The following TTC17 variants were observed in gnomAD, a reference collection of about 807,000 sequenced individuals.
TTC17 encodes tetratricopeptide repeat protein 17.
A neutral mutation model predicts 143.8 loss-of-function variants in TTC17; 58 were observed. That is an observed-to-expected ratio of 0.40 (90% CI 0.33 to 0.50). The LOEUF is 0.50. Ranked by LOEUF, TTC17 falls within the 20% of genes least tolerant of loss-of-function variation. TTC17 has a pLI of 0.49. For missense variants in TTC17, 1,273 were observed against 1,392.5 expected (o/e 0.91, Z 1.37); for synonymous variants, 501 against 497.8 (o/e 1.01, Z -0.09).
At chr11:43,403,269 G>T (rs535233059) in intron 10 of TTC17, among the ~76,000 whole-genome samples, 7 of 152,248 alleles carry the variant, frequency 4.6e-5, no homozygotes, top group African/African-American at 1.7e-4. Flanking sequence ...TCATAAAATT[G>T]TATCACCACT....
At chr11:43,458,260 G>A (rs1452238424) in intron 21 of TTC17, among the ~76,000 whole-genome samples, 1 of 152,090 alleles carries the variant, frequency 6.6e-6, no homozygotes, top group Non-Finnish European at 1.5e-5. Flanking sequence ...GGAAGAGTGG[G>A]AGCTGTCCAG....
At chr11:43,449,978 C>G in intron 19 of TTC17, 104 bp from the exon 20 acceptor site, 1 of 1,286,434 alleles carries the variant, frequency 7.8e-7, no homozygotes, top group Non-Finnish European at 1.1e-6. Flanking sequence ...CTATGATGAG[C>G]TGATTGTTAA....
At chr11:43,420,273 A>T (rs913211632) in intron 16 of TTC17, among the ~76,000 whole-genome samples, 1 of 152,190 alleles carries the variant, frequency 6.6e-6, no homozygotes, top group African/African-American at 2.4e-5. Context: ...CCTTCAGCCA[A>T]TCATAAATTA....
intron 5 of TTC17, among the ~76,000 whole-genome samples, chr11:43,392,738 T>TGA (rs1857436972): frequency 6.6e-6 from 1 of 152,216 alleles, no homozygotes; most frequent in Non-Finnish European, 1.5e-5. Context: ...CAGAACTTGA[T>TGA]GAGTAATAAG....
intron 21 of TTC17, among the ~76,000 whole-genome samples, chr11:43,457,634 T>A (rs1947788845): frequency 6.6e-6 from 1 of 152,080 alleles, no homozygotes; most frequent in South Asian, 2.1e-4. Context: ...AACTAAAAAC[T>A]ACTTTAAAAA....
intron 2 of TTC17, among the ~76,000 whole-genome samples, chr11:43,388,852 T>C (rs934086503): frequency 1.5e-4 from 22 of 151,666 alleles, no homozygotes; most frequent in African/African-American, 5.3e-4. Context: ...GGTGTGCACC[T>C]GTAGTCCCAG....
At chr11:43,391,398 C>T in intron 3 of TTC17, 67 bp from the exon 4 acceptor site, 1 of 1,098,752 alleles carries the variant, frequency 9.1e-7, no homozygotes, top group Non-Finnish European at 1.4e-6. Flanking sequence ...GACCCTTTCT[C>T]TAAATAAATA....
At chr11:43,477,201 G>A (rs569409194) in intron 21 of TTC17, among the ~76,000 whole-genome samples, 1 of 152,144 alleles carries the variant, frequency 6.6e-6, no homozygotes, top group South Asian at 2.1e-4. Context: ...GAATTTTATT[G>A]TCCATATTGC....
chr11:43,392,271 G>A (rs970370113), intron 5 of TTC17, among the ~76,000 whole-genome samples: 1 of 152,070 alleles, frequency 6.6e-6, no homozygotes, highest in South Asian at 2.1e-4. Context: ...TTTTAGTGTC[G>A]TTAATATATC....
At chr11:43,474,299 C>G (rs935643240) in intron 21 of TTC17, among the ~76,000 whole-genome samples, 44 of 152,052 alleles carry the variant, frequency 2.9e-4, no homozygotes, top group African/African-American at 1.0e-3. Context: ...TCTTAGGATA[C>G]TATTTATCTT....
At chr11:43,447,453 G>A (rs535071967) in intron 18 of TTC17, 1 of 152,504 alleles carries the variant, frequency 6.6e-6, no homozygotes, top group South Asian at 2.1e-4. Flanking sequence ...ACTGGGTGTG[G>A]ACATTTGGCA....
rs1256250453 is a variant in TTC17 at position 43,363,347 on chromosome 11, A to G, written c.159+4234A>G. Among the ~76,000 whole-genome samples the G allele has an allele frequency of 2.0e-5, 3 of 152,340 alleles. No individual in the cohort carries two copies. In the East Asian group the frequency reaches 5.8e-4, roughly 29 times the overall value. On this transcript the variant is annotated intron_variant, in intron 1 of 23. Transcript: ENST00000039989. Reference sequence around the variant, plus strand: ...AACTTGTGAATTTGCCTAAGAGCCTAACCACTCTATGGCACTTCATTTTGT... The same window carrying G: ...AACTTGTGAATTTGCCTAAGAGCCTGACCACTCTATGGCACTTCATTTTGT...
intron 1 of TTC17, among the ~76,000 whole-genome samples, chr11:43,364,923 A>G (rs1856271187): frequency 1.3e-5 from 2 of 152,124 alleles, no homozygotes; most frequent in Non-Finnish European, 2.9e-5. Context: ...TTCCTGCCTC[A>G]GCCTCCTGAG....
intron 1 of TTC17, chr11:43,378,990 G>T (rs538833719): frequency 2.3e-6 from 1 of 439,046 alleles, no homozygotes; most frequent in East Asian, 4.8e-5. Context: ...CACCTGTAAA[G>T]TCAGAATATG....
At chr11:43,446,455 C>A in intron 18 of TTC17, 1 of 269,182 alleles carries the variant, frequency 3.7e-6, no homozygotes, top group Non-Finnish European at 5.7e-6. Flanking sequence ...TTCTGTACCC[C>A]TAGTGTCTTT....
chr11:43,413,621 G>A (rs1565153680), intron 15 of TTC17, among the ~76,000 whole-genome samples: 3 of 151,496 alleles, frequency 2.0e-5, no homozygotes, highest in African/African-American at 4.9e-5. Flanking sequence ...CTCCTTCAAG[G>A]CCTTAAGGGC....
intron 1 of TTC17, among the ~76,000 whole-genome samples, chr11:43,373,636 T>G (rs1321258752): frequency 6.6e-6 from 1 of 152,196 alleles, no homozygotes; most frequent in African/African-American, 2.4e-5. Context: ...AAAGAAGCTT[T>G]TAACAACAGC....
intron 16 of TTC17, among the ~76,000 whole-genome samples, chr11:43,426,039 C>T (rs1947019937): frequency 6.6e-6 from 1 of 152,184 alleles, no homozygotes; most frequent in African/African-American, 2.4e-5. Context: ...TGCCTAAGTA[C>T]ATTTCAGGAA....
At chr11:43,459,397 A>T (rs1947822732) in intron 21 of TTC17, among the ~76,000 whole-genome samples, 1 of 152,122 alleles carries the variant, frequency 6.6e-6, no homozygotes, top group Admixed American at 6.5e-5. Flanking sequence ...CTTTTCCATG[A>T]GAAATGTCCT....
Sources: allele counts gnomAD v4.1 joint callset (sites outside exome capture counted in the v4.1 genomes callset), GRCh38; gene constraint gnomAD v4.1.1; transcripts MANE v1.5; gene names NCBI Gene and HGNC (gene_info 2026-07-23, HGNC 2026-07-21).